The following PLEKHA5 variants were observed in gnomAD, a reference collection of about 807,000 sequenced individuals.
PLEKHA5 encodes pleckstrin homology domain containing A5, also known as pleckstrin homology domain-containing family A member 5.
PLEKHA5 carries 55 observed loss-of-function variants against 181.9 expected under a neutral mutation model. The observed-to-expected ratio is 0.30, with a 90% CI of 0.24 to 0.38. The LOEUF (loss-of-function observed/expected upper bound fraction) is 0.38, where lower values mean the gene tolerates loss of function less well. Ranked by LOEUF, PLEKHA5 falls within the 10% of genes least tolerant of loss-of-function variation. The pLI is 1.00. For synonymous variants in PLEKHA5, 535 were observed against 529.4 expected (o/e 1.01, Z -0.15); for missense variants, 1,432 against 1,549.5 (o/e 0.92, Z 1.27).
chr12:19,306,871 T>G, intron 15 of PLEKHA5: 1 of 794,624 alleles, frequency 1.3e-6, no homozygotes, highest in Non-Finnish European at 2.2e-6. Context: ...CAGAAGGAGT[T>G]ATTCCTGATA....
intron 8 of PLEKHA5, among the ~76,000 whole-genome samples, chr12:19,267,669 C>G (rs1418295793): frequency 7.3e-6 from 1 of 137,794 alleles, no homozygotes; most frequent in Middle Eastern, 6.0e-3. Flanking sequence ...CTCCCCCAAC[C>G]CCCCAAAAAA....
intron 3 of PLEKHA5, among the ~76,000 whole-genome samples, chr12:19,142,283 T>G (rs2037593316): frequency 6.6e-6 from 1 of 152,130 alleles, no homozygotes; most frequent in African/African-American, 2.4e-5. Context: ...GCAGAAGGAT[T>G]GCTTGAGCCC....
intron 28 of PLEKHA5, 43 bp from the exon 29 acceptor site, chr12:19,361,539 A>G (rs1364418776): frequency 9.9e-7 from 1 of 1,010,342 alleles, no homozygotes; most frequent in Non-Finnish European, 1.5e-6. Flanking sequence ...ATCTAATGTG[A>G]TAAGAATTCT....
intron 21 of PLEKHA5, among the ~76,000 whole-genome samples, chr12:19,342,394 C>T (rs1049715738): frequency 6.6e-6 from 1 of 152,080 alleles, no homozygotes; most frequent in Non-Finnish European, 1.5e-5. Context: ...CGGTGGCTCA[C>T]ACCTGTAATC....
chr12:19,212,012 A>G (rs2057011647), intron 3 of PLEKHA5, among the ~76,000 whole-genome samples: 1 of 152,186 alleles, frequency 6.6e-6, no homozygotes, highest in Admixed American at 6.5e-5. Flanking sequence ...GAGTAACTCC[A>G]TTTTGGTTTG....
intron 3 of PLEKHA5, among the ~76,000 whole-genome samples, chr12:19,225,873 T>C (rs1479876141): frequency 6.6e-5 from 10 of 152,170 alleles, no homozygotes; most frequent in Admixed American, 6.5e-4. Context: ...CAGGATATAT[T>C]CAGTTGGGAA....
intron 30 of PLEKHA5, among the ~76,000 whole-genome samples, chr12:19,367,985 A>G (rs560435974): frequency 6.6e-6 from 1 of 152,228 alleles, no homozygotes; most frequent in African/African-American, 2.4e-5. Flanking sequence ...ATGAAATTCA[A>G]GTATTCAGGA....
intron 3 of PLEKHA5, among the ~76,000 whole-genome samples, chr12:19,161,264 G>A (rs1166889660): frequency 6.6e-6 from 1 of 151,882 alleles, no homozygotes; most frequent in East Asian, 1.9e-4. Flanking sequence ...TGTGCCAATT[G>A]CCCTCACTTG....
rs78075369 is a variant in PLEKHA5 at position 19,146,355 on chromosome 12, A to G, written c.227+13905A>G. 9.4e-3 allele frequency among the ~76,000 whole-genome samples: 1,424 copies of G among 152,208 alleles called. 16 individuals carry two copies. Among genetic ancestry groups the G allele is most frequent in the African/African-American group, 0.027 (1,130 of 41,530 alleles). ...CTCTTCTGTAAATTTCCTGTTTCAC[A>G]TATTTTCTGTGTTTTTCTATTGAGT... On this transcript the variant is annotated intron_variant, in intron 3 of 31. Transcript: ENST00000429027.
intron 3 of PLEKHA5, among the ~76,000 whole-genome samples, chr12:19,183,593 G>T (rs1161907978): frequency 6.6e-6 from 1 of 152,162 alleles, no homozygotes; most frequent in Non-Finnish European, 1.5e-5. Flanking sequence ...CAAGTGGTTT[G>T]GGTTTCAATG....
chr12:19,167,299 C>A (rs148694344), intron 3 of PLEKHA5, among the ~76,000 whole-genome samples: 83 of 151,870 alleles, frequency 5.5e-4, no homozygotes, highest in African/African-American at 2.0e-3. Context: ...AAAGTGACAT[C>A]AGATGCAATC....
chr12:19,306,479 C>T lies in PLEKHA5; in HGVS notation c.2038-8335C>T, dbSNP rs112824923. On this transcript the variant is annotated intron_variant, in intron 15 of 31. Coordinates refer to ENST00000429027, the MANE Select transcript of PLEKHA5 (RefSeq NM_001256470.2). ...ATACCCACCTCCCACGAACCGGTTC[C>T]TCTTCCCCCTCCTTGCTGTGTGTTT... 2.5e-3 allele frequency: 1,665 copies of T among 677,538 alleles called. 22 individuals carry two copies. In the African/African-American group the frequency reaches 0.027, roughly 11 times the overall value. 42.0% of individuals were successfully genotyped at this position (677,538 alleles called of 1,614,324 possible). A position where few individuals can be genotyped will look rare whatever the true frequency, so the allele number is the denominator to read the frequency against.
chr12:19,275,807 C>G (rs571907514), intron 11 of PLEKHA5, among the ~76,000 whole-genome samples: 1 of 152,260 alleles, frequency 6.6e-6, no homozygotes, highest in Non-Finnish European at 1.5e-5. Context: ...AGCATTTATT[C>G]ATTTTTGCAT....
At chr12:19,288,963 A>G (rs1302660127) in intron 13 of PLEKHA5, among the ~76,000 whole-genome samples, 1 of 152,212 alleles carries the variant, frequency 6.6e-6, no homozygotes, top group Non-Finnish European at 1.5e-5. Context: ...GTTTAGCTCC[A>G]TAAATAATAA....
At chr12:19,307,508 A>ATTCT (rs2084431552) in intron 15 of PLEKHA5, 1 of 309,994 alleles carries the variant, frequency 3.2e-6, no homozygotes, top group Non-Finnish European at 6.5e-6. Context: ...AAAGAGTACA[A>ATTCT]GAAGCACACT....
intron 25 of PLEKHA5, among the ~76,000 whole-genome samples, chr12:19,349,363 A>C (rs1429538194): frequency 6.6e-6 from 1 of 151,840 alleles, no homozygotes; most frequent in Non-Finnish European, 1.5e-5. Flanking sequence ...CATTCCTTCC[A>C]CCTCAGCCTC....
At position 19,283,424 on chromosome 12, in the gene PLEKHA5, T is replaced by G. The variant is rs748883123; in HGVS notation, c.1458T>G (p.His486Gln). 3 of 1,613,992 alleles carry G rather than the reference T, an allele frequency of 1.9e-6. No individual in the cohort carries two copies. In the East Asian group the frequency reaches 6.7e-5, roughly 36 times the overall value. The part of the protein sequence containing the change: ...ESICSVTPST[H>Q]DKTLGPGAEE... ...TCTGCAGTGTAACCCCTTCCACTCA[T>G]GACAAGACATTAGGACCCGGAGCGG... Residue 486 changes from histidine to glutamine, a missense_variant, in exon 12 of 32, where the codon CAT becomes CAG. By Grantham distance (24) the His-to-Gln change is conservative. Around this residue, in one of 2 missense-constraint regions of PLEKHA5, gnomAD observed 1,143 missense variants for 1,168.4 expected, o/e 0.98. Coordinates refer to ENST00000429027, the MANE Select transcript of PLEKHA5 (RefSeq NM_001256470.2).
Position 19,268,200 on chromosome 12 carries a change from A to G in PLEKHA5, c.712-1570A>G, listed in dbSNP as rs2071212131. On this transcript the variant is annotated intron_variant, in intron 8 of 31. Transcript: ENST00000429027. ...TTATGATGTTAAAACAAAAGTTAAC[A>G]CTTTGAAAATTTAAAATTATAACTT... is the stretch of plus-strand genomic sequence containing the variant. Among the ~76,000 whole-genome samples, 5 of 152,346 alleles carry G rather than the reference A, an allele frequency of 3.3e-5. No individual in the cohort carries two copies. The South Asian group carries it at 1.0e-3, about 32-fold the overall frequency.
At chr12:19,306,965 C>G in intron 15 of PLEKHA5, 1 of 1,300,804 alleles carries the variant, frequency 7.7e-7, no homozygotes, top group Non-Finnish European at 1.1e-6. Flanking sequence ...ACTCCTAACC[C>G]ACTTACTCAG....
Sources: gnomAD v4.1 joint callset for allele counts (sites outside exome capture counted in the v4.1 genomes callset) on GRCh38, gnomAD v4.1.1 for gene constraint, gnomAD v4.1.1 regional missense constraint, MANE v1.5 for transcripts, NCBI Gene and HGNC (gene_info 2026-07-23, HGNC 2026-07-21) for gene names.